Variants in PCDHGA5 observed in about 807,000 individuals in gnomAD.
PCDHGA5 encodes the protein protocadherin gamma subfamily A, 5, also known as protocadherin gamma-A5.
A neutral mutation model predicts 56.7 loss-of-function variants in PCDHGA5; 36 were observed. The observed-to-expected ratio is 0.64, with a 90% confidence interval of 0.49 to 0.84. The LOEUF is 0.84. PCDHGA5 is among the 40% of genes least tolerant of loss of function. The pLI, the probability that PCDHGA5 is intolerant of heterozygous loss-of-function variation, is 0.00. For synonymous variants in PCDHGA5, 563 were observed against 520.2 expected, an observed-to-expected ratio of 1.08 and a Z score of -1.12; for missense variants, 1,305 against 1,201.5, an observed-to-expected ratio of 1.09 and a Z score of -1.27.
intron 1 of PCDHGA5, chr5:141,393,690 C>A (rs779487285): frequency 6.2e-7 from 1 of 1,613,752 alleles, no homozygotes; most frequent in African/African-American, 1.3e-5. Flanking sequence ...TCCGTTATTC[C>A]AGCTTAATGA....
rs1243327893 is a variant in PCDHGA5, at chr5:141,491,671, C to G, written c.2422-3136C>G. 1 of 1,613,484 alleles carries G rather than the reference C, an allele frequency of 6.2e-7. No homozygotes were observed. Among genetic ancestry groups the G allele is most frequent in the Admixed American group, 1.7e-5 (1 of 60,034 alleles). On this transcript the variant is annotated intron_variant, in intron 1 of 3. Transcript: ENST00000518069. This position sits in a 1 kb window ranked among gnomAD's most constrained non-coding sequence, Gnocchi z 6.9. ...GCTGGAGCCTGACGCCATCCGGTCC[C>G]GCTCTAATACGCTGCGGGAGCGGAG...
At chr5:141,387,728 C>A (rs1366349422) in intron 1 of PCDHGA5, 3 of 1,221,130 alleles carry the variant, frequency 2.5e-6, no homozygotes, top group Non-Finnish European at 2.2e-6. Flanking sequence ...TCCCCAGCGC[C>A]AGCCTTTACA....
Position 141,366,493 on chromosome 5 carries a change from G to A in PCDHGA5, c.2163G>A (p.Lys721=). The A allele has an allele frequency of 4.3e-6, 7 of 1,614,256 alleles. No homozygotes were observed. The highest frequency in any genetic ancestry group is 5.9e-6 in the Non-Finnish European group (7 of 1,180,048). ...TGCTCAGACTGAGGCGCTGGCACAA[G>A]TCACGCCTGCTTCAGGCTGAAGGCA... ...LLVLRLRRWH[K]SRLLQAEGSR... The change falls in exon 1 of 4, where the codon AAG becomes AAA. Residue 721 remains lysine (K), a synonymous_variant. Transcript: ENST00000518069.
chr5:141,422,263 C>T lies in PCDHGA5; in HGVS notation c.2421+55512C>T, dbSNP rs755271863. On this transcript the variant is annotated intron_variant, in intron 1 of 3. Transcript: ENST00000518069. ...TGTTGTGGATGTGAATGATAACGCT[C>T]CAGAAATAACTATCACCTCTTCTAT... is the stretch of plus-strand genomic sequence containing the variant. 1.0e-5 allele frequency: 16 copies of T among 1,563,686 alleles called. No individual in the cohort carries two copies. The South Asian group carries it at 1.7e-4, about 17-fold the overall frequency.
At chr5:141,438,631 TATATACAC>T (rs1213304454) in intron 1 of PCDHGA5, among the ~76,000 whole-genome samples, 683 of 43,114 alleles carry the variant, frequency 0.016, 2 homozygotes, top group African/African-American at 0.049. Context: ...TATATATATA[TATATACAC>T]ACACACACAC....
At chr5:141,394,611 C>A (rs774009952) in intron 1 of PCDHGA5, 1 of 1,613,420 alleles carries the variant, frequency 6.2e-7, no homozygotes, top group Non-Finnish European at 8.5e-7. Flanking sequence ...AGACTCGGGC[C>A]AGAACGCCTG....
In PCDHGA5 at chr5:141,511,112, G is replaced by C. The variant is rs767257788; in HGVS notation, c.2735G>C (p.Gly912Ala). The change falls in exon 4 of 4, where the codon GGC becomes GCC. Residue 912 changes from glycine (G) to alanine (A), a missense_variant. Coordinates refer to ENST00000518069, the MANE Select transcript of PCDHGA5 (RefSeq NM_018918.3). ...TLTNAAGKRD[G>A]KAPAGGNGNK... The stretch of plus-strand genomic sequence containing the variant: ...ACCAACGCAGCTGGCAAGCGGGATG[G>C]CAAGGCCCCAGCAGGTGGCAATGGC... The C allele has an allele frequency of 4.3e-6, 7 of 1,614,232 alleles. No homozygotes were observed. Among genetic ancestry groups the C allele is most frequent in the Non-Finnish European group, 5.9e-6 (7 of 1,180,024 alleles).
At chr5:141,478,785 A>C in intron 1 of PCDHGA5, 1 of 1,482,486 alleles carries the variant, frequency 6.7e-7, no homozygotes, top group Non-Finnish European at 9.0e-7. Flanking sequence ...GACCTAATTC[A>C]CATCCTCAGC....
At position 141,489,969 on chromosome 5, in the gene PCDHGA5, A is replaced by C. The variant is rs746202385; in HGVS notation, c.2422-4838A>C. On this transcript the variant is annotated intron_variant, in intron 1 of 3. Coordinates refer to ENST00000518069, the MANE Select transcript of PCDHGA5 (RefSeq NM_018918.3). This position sits in a 1 kb window ranked among gnomAD's most constrained non-coding sequence, Gnocchi z 4.5. The stretch of plus-strand genomic sequence containing the variant: ...TCAATGATAATGCTCCAACCTTCCA[A>C]TCCTCAGTTCTACGTGTGGGAATCC... 4 of 1,614,008 alleles carry C rather than the reference A, an allele frequency of 2.5e-6. No individual in the cohort carries two copies.
intron 2 of PCDHGA5, among the ~76,000 whole-genome samples, chr5:141,495,758 C>T (rs2099763543): frequency 6.6e-6 from 1 of 152,122 alleles, no homozygotes; most frequent in Non-Finnish European, 1.5e-5. Flanking sequence ...ATCTCTGCCT[C>T]CCTGTCCTTG....
intron 2 of PCDHGA5, 76 bp from the exon 3 acceptor site, chr5:141,505,317 G>T: frequency 6.2e-7 from 1 of 1,603,092 alleles, no homozygotes. Flanking sequence ...AGGTTTGGGA[G>T]CCCTGGGAGA....
chr5:141,410,665 G>A, intron 1 of PCDHGA5: 1 of 1,569,394 alleles, frequency 6.4e-7, no homozygotes, highest in Non-Finnish European at 8.6e-7. Context: ...TAGTCTACTA[G>A]TTTCTCATAT....
chr5:141,372,309 C>T lies in PCDHGA5; in HGVS notation c.2421+5558C>T, dbSNP rs950315336. On this transcript the variant is annotated intron_variant, in intron 1 of 3. Transcript: ENST00000518069. ...TACCTTGGGCGACAGGGAGGCCGCC[C>T]GCCAGCGCCTGCTGGTCACTGTGCG... 2 of 1,613,400 alleles carry T rather than the reference C, an allele frequency of 1.2e-6. No homozygotes were observed. The highest frequency in any genetic ancestry group is 2.2e-5 in the East Asian group (1 of 44,894).
intron 1 of PCDHGA5, chr5:141,440,642 A>G (rs1351979857): frequency 6.6e-6 from 1 of 152,234 alleles, no homozygotes; most frequent in African/African-American, 2.4e-5. Context: ...AATTCCTTAC[A>G]AAATTATCAC....
chr5:141,495,870 CCT>C (rs1183994771), intron 2 of PCDHGA5, among the ~76,000 whole-genome samples: 2 of 152,100 alleles, frequency 1.3e-5, no homozygotes. Flanking sequence ...TTTCTGCTTT[CCT>C]CTCTGTTCTT....
At position 141,491,502 on chromosome 5, in the gene PCDHGA5, C is replaced by G. The variant is rs751961360; in HGVS notation, c.2422-3305C>G. 1.4e-5 allele frequency: 23 copies of G among 1,614,080 alleles called. No homozygotes were observed. Among genetic ancestry groups the G allele is most frequent in the Non-Finnish European group, 1.8e-5 (21 of 1,180,006 alleles). ...GCCCCAACCTGCAGGTGAGCTCGGA[C>G]GGCACGCTCAAGTACATGGAGGTGA... On this transcript the variant is annotated intron_variant, in intron 1 of 3. Coordinates refer to ENST00000518069, the MANE Select transcript of PCDHGA5 (RefSeq NM_018918.3). This position sits in a 1 kb window ranked among gnomAD's most constrained non-coding sequence, Gnocchi z 6.9.
intron 1 of PCDHGA5, among the ~76,000 whole-genome samples, chr5:141,454,796 A>AT (rs61612330): frequency 0.026 from 2,045 of 77,400 alleles, 387 homozygotes; most frequent in East Asian, 0.04. Flanking sequence ...CATGGTTCTA[A>AT]TTTTTTTTTT....
At chr5:141,442,694 C>A (rs549307212) in intron 1 of PCDHGA5, among the ~76,000 whole-genome samples, 22 of 152,304 alleles carry the variant, frequency 1.4e-4, no homozygotes, top group Non-Finnish European at 3.1e-4. Flanking sequence ...GTCAGGCAGA[C>A]AAGAGTATCA....
In PCDHGA5 at chr5:141,376,671, G is replaced by T. The variant is rs541543618; in HGVS notation, c.2421+9920G>T. Reference sequence around the variant, plus strand: ...GGAAGACTCCCTTGTTCAGGTGAGGGTATCGTTTTTTTTTTTTTTTTTTTT... The same window carrying T: ...GGAAGACTCCCTTGTTCAGGTGAGGTTATCGTTTTTTTTTTTTTTTTTTTT... On this transcript the variant is annotated intron_variant, in intron 1 of 3. Transcript: ENST00000518069. The T allele has an allele frequency of 4.4e-4, 244 of 553,734 alleles. 1 individual carries two copies. The East Asian group carries it at 5.1e-3, about 12-fold the overall frequency. 34.3% of individuals were successfully genotyped at this position (553,734 alleles called of 1,614,324 possible).
Sources: allele counts gnomAD v4.1 joint callset (sites outside exome capture counted in the v4.1 genomes callset), GRCh38; gene constraint gnomAD v4.1.1; non-coding constraint Gnocchi (gnomAD v3.1); transcripts MANE v1.5; gene names NCBI Gene and HGNC (gene_info 2026-07-23, HGNC 2026-07-21).